MANF: variants seen among roughly 807,000 people sequenced by gnomAD.
MANF encodes the protein mesencephalic astrocyte derived neurotrophic factor.
In MANF, 9 loss-of-function variants were observed where a neutral mutation model predicts 19.1. The observed-to-expected ratio is 0.47, with a 90% CI of 0.28 to 0.82. The LOEUF (loss-of-function observed/expected upper bound fraction) is 0.82. MANF is among the 40% of genes least tolerant of loss of function. The pLI, the probability that MANF is intolerant of heterozygous loss-of-function variation, is 0.10. For synonymous variants in MANF, 89 were observed against 88.0 expected (o/e 1.01, Z -0.06); for missense variants, 225 against 226.7 (o/e 0.99, Z 0.05).
Position 51,385,311 on chromosome 3 carries a change from G to C in MANF, c.-32G>C. On this transcript the variant is annotated 5_prime_UTR_variant, in exon 1 of 4. Coordinates refer to ENST00000528157, the MANE Select transcript of MANF (RefSeq NM_006010.6). ...GGTTCAGTCGGTCGGCGGCGGCAGC[G>C]GAGGAGGAGGAGGAGGAGGAGGATG... The C allele has an allele frequency of 2.3e-6, 2 of 876,958 alleles. No homozygotes were observed. The highest frequency in any genetic ancestry group is 2.9e-6 in the Non-Finnish European group (2 of 696,970). The allele number at this position is 876,958 out of a possible 1,614,324, so 54.3% of individuals were successfully genotyped here. A position where few individuals can be genotyped will look rare whatever the true frequency, so the allele number is the denominator to read the frequency against.
rs2088996136 is a variant in MANF at position 51,389,125 on chromosome 3, A to G, written c.*36A>G. On this transcript the variant is annotated 3_prime_UTR_variant, in exon 4 of 4. Coordinates refer to ENST00000528157, the MANE Select transcript of MANF (RefSeq NM_006010.6). ...CTCTGTTGCACCTGAGGGGGAAAAA[A>G]CAGTTCAACTGCTTACTCCCAAAAC... 3 of 1,578,252 alleles carry G rather than the reference A, an allele frequency of 1.9e-6. No homozygotes were observed. Among genetic ancestry groups the G allele is most frequent in the South Asian group, 2.3e-5 (2 of 85,966 alleles).
At position 51,389,231 on chromosome 3, in the gene MANF, C is replaced by G. The variant is rs2088997244; in HGVS notation, c.*142C>G. The G allele has an allele frequency of 2.9e-6, 2 of 693,966 alleles. No individual in the cohort carries two copies. Among genetic ancestry groups the G allele is most frequent in the Admixed American group, 6.1e-5 (2 of 32,660 alleles). The allele number at this position is 693,966 out of a possible 1,614,324, so 43.0% of individuals were successfully genotyped here. Reference sequence around the variant, plus strand: ...GAAGCCTGGAGCTTTCCTGATGATGCTGGCCCTACAGTACCCCCATGAGGG... The same window carrying G: ...GAAGCCTGGAGCTTTCCTGATGATGGTGGCCCTACAGTACCCCCATGAGGG... On this transcript the variant is annotated 3_prime_UTR_variant, in exon 4 of 4. Transcript: ENST00000528157.
chr3:51,389,120 A>C lies in MANF; in HGVS notation c.*31A>C. On this transcript the variant is annotated 3_prime_UTR_variant, in exon 4 of 4. Transcript: ENST00000528157. ...TCAATCTCTGTTGCACCTGAGGGGG[A>C]AAAAACAGTTCAACTGCTTACTCCC... 1.3e-6 allele frequency: 2 copies of C among 1,587,344 alleles called. No individual in the cohort carries two copies. The highest frequency in any genetic ancestry group is 1.7e-6 in the Non-Finnish European group (2 of 1,167,650).
At position 51,389,041 on chromosome 3, in the gene MANF, G is replaced by A; in HGVS notation, c.501G>A (p.Leu167=). 6.2e-7 allele frequency: 1 copy of A among 1,612,692 alleles called. No individual in the cohort carries two copies. Among genetic ancestry groups the A allele is most frequent in the East Asian group, 2.2e-5 (1 of 44,866 alleles). ...ACTACATCCGGAAGATAAATGAACT[G>A]ATGCCTAAATATGCCCCCAAGGCAG... is the stretch of plus-strand genomic sequence containing the variant. ...KSDYIRKINE[L]MPKYAPKAAS... is the part of the protein sequence containing the mutation. The change falls in exon 4 of 4, where the codon CTG becomes CTA. Residue 167 remains leucine, a synonymous_variant. Coordinates refer to ENST00000528157, the MANE Select transcript of MANF (RefSeq NM_006010.6).
chr3:51,388,567 C>T (rs1444536401), intron 3 of MANF, among the ~76,000 whole-genome samples: 1 of 152,146 alleles, frequency 6.6e-6, no homozygotes, highest in Non-Finnish European at 1.5e-5. Flanking sequence ...CTCTTTGGCA[C>T]CAGCCTGGAG....
chr3:51,385,814 C>T (rs2088948998), intron 1 of MANF: 1 of 282,260 alleles, frequency 3.5e-6, no homozygotes, highest in East Asian at 6.5e-5. Flanking sequence ...AGCTGCACCT[C>T]TGGGTCCGCT....
intron 3 of MANF, 22 bp downstream of exon 3, chr3:51,387,900 T>G: frequency 4.3e-6 from 7 of 1,611,738 alleles, no homozygotes; most frequent in Non-Finnish European, 5.9e-6. Context: ...TAGTCCTTTC[T>G]TAATGAATGC....
At chr3:51,387,587 A>G in intron 2 of MANF, 150 bp from the exon 3 acceptor site, 2 of 663,980 alleles carry the variant, frequency 3.0e-6, no homozygotes, top group Non-Finnish European at 5.1e-6. Context: ...AGCCGTGATC[A>G]TGCCACTGCA....
At chr3:51,385,932 C>T in intron 1 of MANF, 1 of 408,560 alleles carries the variant, frequency 2.4e-6, no homozygotes, top group Non-Finnish European at 4.4e-6. Flanking sequence ...ACGTGTTCAC[C>T]ATGGGCTTAA....
intron 1 of MANF, chr3:51,385,870 C>T: frequency 3.7e-6 from 1 of 268,526 alleles, no homozygotes; most frequent in Non-Finnish European, 7.0e-6. Context: ...TTTTTCTCTT[C>T]ACCTTCCAGT....
At position 51,385,335 on chromosome 3, in the gene MANF, T is replaced by G. The variant is rs13091931; in HGVS notation, c.-8T>G. 0.09 allele frequency: 101,838 copies of G among 1,127,122 alleles called. 3,723 individuals are homozygous for G. Among genetic ancestry groups the G allele is most frequent in the Admixed American group, 0.12 (2,539 of 21,982 alleles). 69.8% of individuals were successfully genotyped at this position (1,127,122 alleles called of 1,614,324 possible). ...CGGAGGAGGAGGAGGAGGAGGAGGATGAGGAGGATGAGGAGGATGTGGGCC... is the reference window on the plus strand; with the variant it reads ...CGGAGGAGGAGGAGGAGGAGGAGGAGGAGGAGGATGAGGAGGATGTGGGCC... On this transcript the variant is annotated 5_prime_UTR_variant, in exon 1 of 4. An upstream start codon of the reference 5' UTR is lost. Coordinates refer to ENST00000528157, the MANE Select transcript of MANF (RefSeq NM_006010.6).
rs1381672640 is a variant in MANF at position 51,385,340 on chromosome 3, A to G, written c.-3A>G. On this transcript the variant is annotated 5_prime_UTR_variant, in exon 1 of 4. Coordinates refer to ENST00000528157, the MANE Select transcript of MANF (RefSeq NM_006010.6). ...GAGGAGGAGGAGGAGGAGGATGAGG[A>G]GGATGAGGAGGATGTGGGCCACGCA... 12 of 1,233,366 alleles carry G rather than the reference A, an allele frequency of 9.7e-6. No homozygotes were observed. Among genetic ancestry groups the G allele is most frequent in the African/African-American group, 9.3e-5 (6 of 64,204 alleles). The allele number at this position is 1,233,366 out of a possible 1,614,324, so 76.4% of individuals were successfully genotyped here.
Position 51,389,237 on chromosome 3 carries a change from C to T in MANF, c.*148C>T. 3.1e-6 allele frequency: 2 copies of T among 647,306 alleles called. No individual in the cohort carries two copies. Among genetic ancestry groups the T allele is most frequent in the Non-Finnish European group, 5.2e-6 (2 of 385,286 alleles). The allele number at this position is 647,306 out of a possible 1,614,324, so 40.1% of individuals were successfully genotyped here. Reference sequence around the variant, plus strand: ...TGGAGCTTTCCTGATGATGCTGGCCCTACAGTACCCCCATGAGGGGATTCC... The same window carrying T: ...TGGAGCTTTCCTGATGATGCTGGCCTTACAGTACCCCCATGAGGGGATTCC... On this transcript the variant is annotated 3_prime_UTR_variant, in exon 4 of 4. Coordinates refer to ENST00000528157, the MANE Select transcript of MANF (RefSeq NM_006010.6).
intron 1 of MANF, 58 bp downstream of exon 1, chr3:51,385,494 C>T: frequency 1.9e-6 from 2 of 1,047,664 alleles, no homozygotes; most frequent in East Asian, 3.3e-5. Flanking sequence ...CGGCGCTGAA[C>T]CCCACAACAT....
intron 3 of MANF, among the ~76,000 whole-genome samples, chr3:51,388,243 A>G (rs2217938): frequency 0.083 from 12,663 of 152,240 alleles, 1,169 homozygotes; most frequent in East Asian, 0.33. Flanking sequence ...GAAGGGACAT[A>G]GTACGACTTG....
chr3:51,388,862 G>C, intron 3 of MANF, 43 bp from the exon 4 acceptor site: 1 of 1,453,598 alleles, frequency 6.9e-7, no homozygotes, highest in South Asian at 1.3e-5. Context: ...GGGGACTGCA[G>C]GTGCTCCACC....
intron 2 of MANF, among the ~76,000 whole-genome samples, chr3:51,387,317 A>T (rs1316901600): frequency 6.6e-6 from 1 of 152,176 alleles, no homozygotes; most frequent in African/African-American, 2.4e-5. Flanking sequence ...TTAGCCAGGC[A>T]TGGTGACAGG....
chr3:51,389,289 G>A lies in MANF; in HGVS notation c.*200G>A. 4.0e-6 allele frequency: 2 copies of A among 505,704 alleles called. No homozygotes were observed. The allele number at this position is 505,704 out of a possible 1,614,324, so 31.3% of individuals were successfully genotyped here. On this transcript the variant is annotated 3_prime_UTR_variant, in exon 4 of 4. Transcript: ENST00000528157. ...TTCCTTCTGTTGCTGGTGTACTCTAGGACTTCAAAGTGTGTCTGGGATTTT... is the reference window on the plus strand; with the variant it reads ...TTCCTTCTGTTGCTGGTGTACTCTAAGACTTCAAAGTGTGTCTGGGATTTT...
chr3:51,386,474 G>A, intron 2 of MANF, 139 bp downstream of exon 2: 2 of 916,392 alleles, frequency 2.2e-6, no homozygotes, highest in Non-Finnish European at 3.3e-6. Context: ...TGAGAAGACT[G>A]AAGTGCTTCT....
Sources: gnomAD v4.1 joint callset for allele counts (sites outside exome capture counted in the v4.1 genomes callset) on GRCh38, gnomAD v4.1.1 for gene constraint, MANE v1.5 for transcripts, NCBI Gene and HGNC (gene_info 2026-07-23, HGNC 2026-07-21) for gene names.